The following NDUFA13 variants were observed in gnomAD, a reference collection of about 807,000 sequenced individuals.
NDUFA13 encodes the protein NADH:ubiquinone oxidoreductase subunit A13.
Under a neutral mutation model 17.0 loss-of-function variants are expected in NDUFA13, and 16 were observed. That is an observed-to-expected ratio of 0.94 (90% CI 0.64 to 1.43). The LOEUF is 1.43. NDUFA13 is among the 40% of genes most tolerant of loss of function. NDUFA13 has a pLI of 0.00. For missense variants in NDUFA13, 228 were observed against 206.7 expected, an observed-to-expected ratio of 1.10 and a Z score of -0.63; for synonymous variants, 87 against 78.4, an observed-to-expected ratio of 1.11 and a Z score of -0.58.
In NDUFA13 at chr19:19,526,279, G is replaced by A. The variant is rs777274851; in HGVS notation, c.173+19G>A. On this transcript the variant is annotated intron_variant, in intron 2 of 4. Transcript: ENST00000507754. ...AGCGCAGGTAGGGCCCCTGGTGGGC[G>A]TTGTCTGAAAGTGCCCCCCCGGCGA... 9 of 1,613,234 alleles carry A rather than the reference G, an allele frequency of 5.6e-6. No homozygotes were observed. Among genetic ancestry groups the A allele is most frequent in the East Asian group, 2.2e-5 (1 of 44,882 alleles).
chr19:19,528,126 G>A lies in NDUFA13; in HGVS notation c.435G>A (p.Ter145=). ...HASHGFMWYT[*] ...GCCACGGCTTCATGTGGTACACGTAGGCCCTGTGCCCTCCGGCCACCTGGA... is the reference window on the plus strand; with the variant it reads ...GCCACGGCTTCATGTGGTACACGTAAGCCCTGTGCCCTCCGGCCACCTGGA... Residue 145 remains the stop codon, a stop_retained_variant, in exon 5 of 5, where the codon TAG becomes TAA. Coordinates refer to ENST00000507754, the MANE Select transcript of NDUFA13 (RefSeq NM_015965.7). 1 of 1,611,522 alleles carries A rather than the reference G, an allele frequency of 6.2e-7. No individual in the cohort carries two copies. Among genetic ancestry groups the A allele is most frequent in the Non-Finnish European group, 8.5e-7 (1 of 1,179,954 alleles).
At chr19:19,521,076 G>A (rs1048011084) in intron 1 of NDUFA13, among the ~76,000 whole-genome samples, 1 of 152,138 alleles carries the variant, frequency 6.6e-6, no homozygotes, top group African/African-American at 2.4e-5. Context: ...GGATCATATG[G>A]TAACTTCGTG....
intron 1 of NDUFA13, among the ~76,000 whole-genome samples, chr19:19,524,427 A>G (rs1035696223): frequency 1.3e-5 from 2 of 152,206 alleles, no homozygotes; most frequent in South Asian, 2.1e-4. Flanking sequence ...ATGAGTGCGC[A>G]GGTGTGAGGG....
intron 4 of NDUFA13, 48 bp downstream of exon 4, chr19:19,527,818 G>C: frequency 6.5e-7 from 1 of 1,536,862 alleles, no homozygotes; most frequent in South Asian, 1.2e-5. Flanking sequence ...GCAGAGACAG[G>C]GCCTGGGGTT....
At chr19:19,527,947 G>T in intron 4 of NDUFA13, 60 bp from the exon 5 acceptor site, 2 of 1,591,774 alleles carry the variant, frequency 1.3e-6, no homozygotes, top group Non-Finnish European at 1.7e-6. Context: ...CTGGGGGATG[G>T]GTCCTAGCAG....
At chr19:19,516,974 A>T (rs2061052358) in intron 1 of NDUFA13, among the ~76,000 whole-genome samples, 1 of 151,778 alleles carries the variant, frequency 6.6e-6, no homozygotes, top group East Asian at 1.9e-4. Flanking sequence ...TTTAGTAGAG[A>T]CGGGGTTTCT....
intron 1 of NDUFA13, among the ~76,000 whole-genome samples, chr19:19,521,680 G>A (rs2061078599): frequency 1.3e-5 from 1 of 77,916 alleles, no homozygotes; most frequent in Non-Finnish European, 2.4e-5. Context: ...TCTGCTCACT[G>A]CAAGCTCCGC....
At chr19:19,516,756 A>T (rs941532389) in intron 1 of NDUFA13, among the ~76,000 whole-genome samples, 1 of 152,226 alleles carries the variant, frequency 6.6e-6, no homozygotes, top group Non-Finnish European at 1.5e-5. Flanking sequence ...CCCCGCCTGC[A>T]TGGTGTCACA....
At chr19:19,525,483 A>G (rs1418816128) in intron 1 of NDUFA13, among the ~76,000 whole-genome samples, 1 of 152,160 alleles carries the variant, frequency 6.6e-6, no homozygotes. Context: ...AGCCTGGCCT[A>G]CCTGAGCTTT....
rs1162860197 is a variant in NDUFA13 at position 19,528,077 on chromosome 19, C to T, written c.386C>T (p.Thr129Ile). Reference sequence around the variant, plus strand: ...ATCGGGGAGCTGTACGGGCTGCGCACCACAGAGGAGGCTCTCCATGCCAGC... The same window carrying T: ...ATCGGGGAGCTGTACGGGCTGCGCATCACAGAGGAGGCTCTCCATGCCAGC... ...PLIGELYGLR[T>I]TEEALHASHG... Residue 129 changes from threonine (T) to isoleucine (I), a missense_variant, in exon 5 of 5, where the codon ACC (threonine) becomes ATC (isoleucine). By Grantham distance (89) the Thr-to-Ile change is moderately conservative. Transcript: ENST00000507754. The T allele has an allele frequency of 1.2e-6, 2 of 1,612,046 alleles. No individual in the cohort carries two copies. Among genetic ancestry groups the T allele is most frequent in the East Asian group, 4.5e-5 (2 of 44,870 alleles).
chr19:19,516,324 G>C lies in NDUFA13; in HGVS notation c.86G>C (p.Gly29Ala). Residue 29 changes from glycine to alanine, a missense_variant, in exon 1 of 5, where the codon GGA becomes GCA. Physicochemically the swap from Gly to Ala is moderately conservative, Grantham distance 60. Transcript: ENST00000507754. ...TACAAACGGAACTTGCCGCGTCGAG[G>C]ACTGTCGGGTCAGTATCACTCTGCG... is the stretch of plus-strand genomic sequence containing the variant. ...IDYKRNLPRR[G>A]LSGYSMLAIG... is the part of the protein sequence containing the mutation. The C allele has an allele frequency of 4.3e-6, 7 of 1,613,520 alleles. No homozygotes were observed. Among genetic ancestry groups the C allele is most frequent in the Non-Finnish European group, 5.9e-6 (7 of 1,180,014 alleles).
At chr19:19,520,852 T>C (rs1441400462) in intron 1 of NDUFA13, among the ~76,000 whole-genome samples, 3 of 152,216 alleles carry the variant, frequency 2.0e-5, no homozygotes, top group Non-Finnish European at 4.4e-5. Context: ...AGTGAAGTCA[T>C]AGACCGTGTG....
chr19:19,527,158 G>A lies in NDUFA13; in HGVS notation c.174-123G>A. On this transcript the variant is annotated intron_variant, in intron 2 of 4. Coordinates refer to ENST00000507754, the MANE Select transcript of NDUFA13 (RefSeq NM_015965.7). ...TCCCGCGACCCTCGCCCTGCCCCCT[G>A]CCTGCCTCCCCGCCCCCCTCCGCCT... 3 of 784,782 alleles carry A rather than the reference G, an allele frequency of 3.8e-6. No homozygotes were observed. In the South Asian group the frequency reaches 5.6e-5, roughly 15 times the overall value. The allele number at this position is 784,782 out of a possible 1,614,324, so 48.6% of individuals were successfully genotyped here.
At position 19,516,263 on chromosome 19, in the gene NDUFA13, G is replaced by C. The variant is rs368582473; in HGVS notation, c.25G>C (p.Asp9His). MAASKVKQ[D>H]MPPPGGYGPI... The stretch of plus-strand genomic sequence containing the variant: ...TATGGCGGCGTCAAAGGTGAAGCAG[G>C]ACATGCCTCCGCCGGGGGGCTATGG... Residue 9 changes from aspartate (D) to histidine (H), a missense_variant, in exon 1 of 5, where the codon GAC becomes CAC. Physicochemically the swap from Asp to His is moderately conservative, Grantham distance 81. Transcript: ENST00000507754. 2.0e-5 allele frequency: 33 copies of C among 1,613,872 alleles called. No homozygotes were observed. The African/African-American group carries it at 3.7e-4, about 18-fold the overall frequency.
intron 1 of NDUFA13, among the ~76,000 whole-genome samples, chr19:19,518,253 G>C (rs534954983): frequency 6.7e-6 from 1 of 148,448 alleles, no homozygotes; most frequent in Admixed American, 6.7e-5. Flanking sequence ...TTTATTTTTT[G>C]AGACAGAGTC....
At chr19:19,521,209 T>G (rs2144639870) in intron 1 of NDUFA13, among the ~76,000 whole-genome samples, 1 of 152,342 alleles carries the variant, frequency 6.6e-6, no homozygotes, top group Non-Finnish European at 1.5e-5. Context: ...ATTTTCCATT[T>G]TTTTGATCAT....
Position 19,516,272 on chromosome 19 carries a change from C to T in NDUFA13, c.34C>T (p.Pro12Ser). Residue 12 changes from proline (P) to serine (S), a missense_variant, in exon 1 of 5, where the codon CCG (proline) becomes TCG (serine). Coordinates refer to ENST00000507754, the MANE Select transcript of NDUFA13 (RefSeq NM_015965.7). ...AASKVKQDMP[P>S]PGGYGPIDYK... ...GTCAAAGGTGAAGCAGGACATGCCT[C>T]CGCCGGGGGGCTATGGGCCCATCGA... The T allele has an allele frequency of 6.2e-7, 1 of 1,613,974 alleles. No individual in the cohort carries two copies. Among genetic ancestry groups the T allele is most frequent in the Middle Eastern group, 1.6e-4 (1 of 6,062 alleles).
chr19:19,521,275 A>G (rs1391763646), intron 1 of NDUFA13, among the ~76,000 whole-genome samples: 1 of 107,810 alleles, frequency 9.3e-6, no homozygotes, highest in Non-Finnish European at 1.9e-5. Flanking sequence ...GTTTTTTAAA[A>G]TTCTTTTTGG....
At chr19:19,521,897 C>G (rs902780272) in intron 1 of NDUFA13, among the ~76,000 whole-genome samples, 2 of 152,064 alleles carry the variant, frequency 1.3e-5, no homozygotes, top group Admixed American at 6.6e-5. Flanking sequence ...CCACTGCGCC[C>G]GGCTTAGTAG....
Sources: gnomAD v4.1 joint callset for allele counts (sites outside exome capture counted in the v4.1 genomes callset) on GRCh38, gnomAD v4.1.1 for gene constraint, MANE v1.5 for transcripts, NCBI Gene and HGNC (gene_info 2026-07-23, HGNC 2026-07-21) for gene names.